Variants in SCN8A observed in about 807,000 individuals in gnomAD.
The protein encoded by SCN8A is sodium channel protein type 8 subunit alpha.
In SCN8A, 30 loss-of-function variants were observed where a neutral mutation model predicts 184.1. The observed-to-expected ratio is 0.16, with a 90% CI of 0.12 to 0.22. SCN8A has a LOEUF of 0.22. SCN8A is among the 10% of genes least tolerant of loss of function. The probability of loss-of-function intolerance (pLI) is 1.00; values close to 1 mark genes in which losing one functional copy is unlikely to be tolerated. For synonymous variants in SCN8A, 852 were observed against 907.0 expected, an observed-to-expected ratio of 0.94 and a Z score of 1.09; for missense variants, 1,057 against 2,498.9, an observed-to-expected ratio of 0.42 and a Z score of 12.30.
chr12:51,749,885 C>T (rs1315436160), intron 13 of SCN8A, among the ~76,000 whole-genome samples: 1 of 152,092 alleles, frequency 6.6e-6, no homozygotes, highest in Non-Finnish European at 1.5e-5. Context: ...GTAGCTGTTA[C>T]AGCCAACCCT....
At position 51,769,348 on chromosome 12, in the gene SCN8A, C is replaced by G. The variant is rs944418720; in HGVS notation, c.3372+13C>G. 1.3e-6 allele frequency: 2 copies of G among 1,555,436 alleles called. No individual in the cohort carries two copies. Among genetic ancestry groups the G allele is most frequent in the African/African-American group, 2.7e-5 (2 of 73,886 alleles). ...AGGCAGCAAAGATGTAAGGTCCCAGCCTAGAAACAGCCTTGATCCTGTGTG... is the reference window on the plus strand; with the variant it reads ...AGGCAGCAAAGATGTAAGGTCCCAGGCTAGAAACAGCCTTGATCCTGTGTG... On this transcript the variant is annotated intron_variant, in intron 17 of 26. Coordinates refer to ENST00000627620, the MANE Select transcript of SCN8A (RefSeq NM_001330260.2).
At chr12:51,672,245 C>T (rs1433093815) in intron 2 of SCN8A, among the ~76,000 whole-genome samples, 3 of 152,156 alleles carry the variant, frequency 2.0e-5, no homozygotes, top group African/African-American at 7.2e-5. Flanking sequence ...ATACACATAT[C>T]TACCCACTCC....
At chr12:51,725,999 G>C (rs1011665048) in intron 12 of SCN8A, among the ~76,000 whole-genome samples, 6 of 152,258 alleles carry the variant, frequency 3.9e-5, no homozygotes, top group African/African-American at 1.2e-4. Context: ...CAATATTCCT[G>C]CTTAGGCTAT....
intron 1 of SCN8A, among the ~76,000 whole-genome samples, chr12:51,598,598 G>C (rs1373288115): frequency 6.6e-6 from 1 of 152,098 alleles, no homozygotes; most frequent in Non-Finnish European, 1.5e-5. Flanking sequence ...TCTGTTGACA[G>C]TTTCTCTTCC....
At chr12:51,697,947 G>A (rs1592386808) in intron 6 of SCN8A, among the ~76,000 whole-genome samples, 1 of 152,274 alleles carries the variant, frequency 6.6e-6, no homozygotes, top group East Asian at 1.9e-4. Flanking sequence ...CCCCGCACCG[G>A]GTTCAAGTGG....
intron 21 of SCN8A, among the ~76,000 whole-genome samples, chr12:51,781,323 T>C (rs1219018709): frequency 6.6e-6 from 1 of 152,136 alleles, no homozygotes; most frequent in Non-Finnish European, 1.5e-5. Context: ...AGATTCCTCT[T>C]ATTGCACCTT....
intron 20 of SCN8A, among the ~76,000 whole-genome samples, chr12:51,779,357 G>A (rs984862444): frequency 1.3e-5 from 2 of 152,164 alleles, no homozygotes; most frequent in Non-Finnish European, 2.9e-5. Flanking sequence ...AATGTAGTTA[G>A]CATGGTGTTG....
At chr12:51,646,009 TAAA>T (rs11307011) in intron 1 of SCN8A, among the ~76,000 whole-genome samples, 12 of 123,394 alleles carry the variant, frequency 9.7e-5, no homozygotes, top group South Asian at 5.4e-4. Context: ...AAGATAAAAG[TAAA>T]AAAAAAAAAA....
chr12:51,733,426 C>G lies in SCN8A; in HGVS notation c.1998+11518C>G, dbSNP rs151003371. On this transcript the variant is annotated intron_variant, in intron 12 of 26. Coordinates refer to ENST00000627620, the MANE Select transcript of SCN8A (RefSeq NM_001330260.2). ...ATCCAACTTGGTAATGATGAATGAT[C>G]TTTTTAATGTGTTGTTGAACTTGGT... Among the ~76,000 whole-genome samples, 79 of 152,208 alleles carry G rather than the reference C, an allele frequency of 5.2e-4. 2 individuals are homozygous for G. The East Asian group carries it at 0.013, about 25-fold the overall frequency.
At chr12:51,595,387 T>G (rs1437082892) in intron 1 of SCN8A, among the ~76,000 whole-genome samples, 2 of 152,168 alleles carry the variant, frequency 1.3e-5, no homozygotes, top group Non-Finnish European at 2.9e-5. Context: ...TATCCCTTTG[T>G]GAAGTTATGG....
chr12:51,670,445 G>A (rs1349454486), intron 2 of SCN8A, among the ~76,000 whole-genome samples: 3 of 152,172 alleles, frequency 2.0e-5, no homozygotes, highest in Admixed American at 1.3e-4. Context: ...GAAAAATCCA[G>A]GTCATCTAAT....
intron 1 of SCN8A, among the ~76,000 whole-genome samples, chr12:51,636,644 A>G (rs915926503): frequency 1.4e-4 from 21 of 152,324 alleles, no homozygotes; most frequent in African/African-American, 4.1e-4. Flanking sequence ...ATTAAAATCA[A>G]TTTGCTTCCC....
chr12:51,737,496 AGGTAG>A (rs1942346527), intron 12 of SCN8A, among the ~76,000 whole-genome samples: 1 of 152,196 alleles, frequency 6.6e-6, no homozygotes, highest in Non-Finnish European at 1.5e-5. Flanking sequence ...CTCATGGCAT[AGGTAG>A]GAATGCCTAG....
At chr12:51,634,652 TATTA>T (rs1430922481) in intron 1 of SCN8A, among the ~76,000 whole-genome samples, 17 of 43,282 alleles carry the variant, frequency 3.9e-4, no homozygotes, top group South Asian at 1.7e-3. Context: ...TTATTATTAT[TATTA>T]TTTTTTTTTT....
intron 3 of SCN8A, among the ~76,000 whole-genome samples, chr12:51,686,077 G>A (rs1337430626): frequency 6.6e-6 from 1 of 152,204 alleles, no homozygotes; most frequent in African/African-American, 2.4e-5. Flanking sequence ...GTCTGTAGTT[G>A]AGCTGAAAAG....
chr12:51,791,656 T>G (rs2138913851), intron 25 of SCN8A, among the ~76,000 whole-genome samples: 1 of 152,324 alleles, frequency 6.6e-6, no homozygotes, highest in Middle Eastern at 3.4e-3. Context: ...GTGTATTTTC[T>G]TCCACATTAA....
chr12:51,699,652 T>C lies in SCN8A; in HGVS notation c.789T>C (p.Ser263=). ...DVMILTVFCL[S]VFALIGLQLF... The stretch of plus-strand genomic sequence containing the variant: ...TGATCCTGACAGTGTTCTGCCTGAG[T>C]GTTTTTGCCTTGATCGGACTGCAGC... The change falls in exon 7 of 27, where the codon AGT becomes AGC. Residue 263 remains serine (S), a synonymous_variant. Coordinates refer to ENST00000627620, the MANE Select transcript of SCN8A (RefSeq NM_001330260.2). 6.2e-7 allele frequency: 1 copy of C among 1,614,062 alleles called. No homozygotes were observed. The highest frequency in any genetic ancestry group is 8.5e-7 in the Non-Finnish European group (1 of 1,179,994).
In SCN8A at chr12:51,809,929, A is replaced by C. The variant is rs533279973; in HGVS notation, c.*2500A>C. 6.6e-6 allele frequency: 1 copy of C among 152,362 alleles called. No homozygotes were observed. The highest frequency in any genetic ancestry group is 2.1e-4 in the South Asian group (1 of 4,826). The allele number at this position is 152,362 out of a possible 1,614,324, so 9.4% of individuals were successfully genotyped here. A position where few individuals can be genotyped will look rare whatever the true frequency, so the allele number is the denominator to read the frequency against. On this transcript the variant is annotated 3_prime_UTR_variant, in exon 27 of 27. Coordinates refer to ENST00000627620, the MANE Select transcript of SCN8A (RefSeq NM_001330260.2). ...GGTCTTTTCCAAAACAACAAAAAAT[A>C]TATATTTTTGTTCCAATGTGCAATA...
intron 2 of SCN8A, among the ~76,000 whole-genome samples, chr12:51,675,057 A>G (rs1231348673): frequency 1.3e-5 from 2 of 152,252 alleles, no homozygotes; most frequent in Non-Finnish European, 2.9e-5. Flanking sequence ...TGCTTTACAT[A>G]ATAAGCCTGC....
Sources: gnomAD v4.1 joint callset for allele counts (sites outside exome capture counted in the v4.1 genomes callset) on GRCh38, gnomAD v4.1.1 for gene constraint, MANE v1.5 for transcripts, NCBI Gene and HGNC (gene_info 2026-07-23, HGNC 2026-07-21) for gene names.